Variants in OTOGL observed in about 807,000 individuals in gnomAD.
OTOGL encodes otogelin-like protein.
A neutral mutation model predicts 318.5 loss-of-function variants in OTOGL; 285 were observed. The ratio of observed to expected loss-of-function variants is 0.89; its 90% confidence interval spans 0.81 to 0.99. The LOEUF (loss-of-function observed/expected upper bound fraction) is 0.99. OTOGL is among the 50% of genes least tolerant of loss of function. The probability of loss-of-function intolerance (pLI) is 0.00; values close to 1 mark genes in which losing one functional copy is unlikely to be tolerated. For synonymous variants in OTOGL, 987 were observed against 936.5 expected (o/e 1.05, Z -0.99); for missense variants, 2,899 against 2,845.6 (o/e 1.02, Z -0.43).
intron 18 of OTOGL, among the ~76,000 whole-genome samples, chr12:80,259,147 C>CTA (rs753389196): frequency 2.3e-4 from 34 of 148,602 alleles, no homozygotes; most frequent in South Asian, 8.5e-4. Flanking sequence ...GATCAATCAA[C>CTA]TATATATATA....
chr12:80,323,722 G>C lies in OTOGL; in HGVS notation c.4082-1G>C, dbSNP rs756233978. On this transcript the variant is annotated splice_acceptor_variant, in intron 34 of 58. Transcript: ENST00000547103. LOFTEE classifies it high-confidence loss of function. ...ACAATCTAAACTTTATTTTTTCCCA[G>C]AAATCCAGGCAGCAGTGCCTTACAG... 1.2e-6 allele frequency: 2 copies of C among 1,608,694 alleles called. No homozygotes were observed. The highest frequency in any genetic ancestry group is 4.5e-5 in the East Asian group (2 of 44,844).
chr12:80,331,620 G>T (rs1357866714), intron 37 of OTOGL, among the ~76,000 whole-genome samples: 1 of 152,058 alleles, frequency 6.6e-6, no homozygotes, highest in Non-Finnish European at 1.5e-5. Context: ...GATTACAGAT[G>T]ACAGCCACCG....
chr12:80,379,411 A>G lies in OTOGL; in HGVS notation c.*1363A>G, dbSNP rs1891347075. ...ATGTGTCCCCAAAATATTGCAACTTACTGAATATTTTAGATCTCTTGGGTT... is the reference window on the plus strand; with the variant it reads ...ATGTGTCCCCAAAATATTGCAACTTGCTGAATATTTTAGATCTCTTGGGTT... On this transcript the variant is annotated 3_prime_UTR_variant, in exon 59 of 59. Coordinates refer to ENST00000547103, the MANE Select transcript of OTOGL (RefSeq NM_001378609.3). The G allele has an allele frequency of 6.6e-6, 1 of 151,968 alleles. No homozygotes were observed. Among genetic ancestry groups the G allele is most frequent in the Non-Finnish European group, 1.5e-5 (1 of 67,886 alleles). 9.4% of individuals were successfully genotyped at this position (151,968 alleles called of 1,614,324 possible).
intron 1 of OTOGL, among the ~76,000 whole-genome samples, chr12:80,115,140 T>C (rs549469364): frequency 6.6e-6 from 1 of 152,192 alleles, no homozygotes; most frequent in Admixed American, 6.5e-5. Flanking sequence ...GTTCCCTTGA[T>C]GGTGAGGAGT....
At chr12:80,155,393 G>A (rs192675119) in intron 1 of OTOGL, among the ~76,000 whole-genome samples, 1 of 152,192 alleles carries the variant, frequency 6.6e-6, no homozygotes, top group Non-Finnish European at 1.5e-5. Flanking sequence ...TGTTATATAT[G>A]TTATATTCTA....
chr12:80,105,934 G>T (rs998739550), intron 1 of OTOGL, among the ~76,000 whole-genome samples: 7 of 152,106 alleles, frequency 4.6e-5, no homozygotes, highest in Non-Finnish European at 8.8e-5. Flanking sequence ...AACCATTTAC[G>T]GATAAAAACG....
At chr12:80,163,763 T>G (rs1873670750) in intron 1 of OTOGL, among the ~76,000 whole-genome samples, 1 of 152,124 alleles carries the variant, frequency 6.6e-6, no homozygotes, top group South Asian at 2.1e-4. Flanking sequence ...GGGTATGTTT[T>G]TATGGCAATG....
intron 17 of OTOGL, among the ~76,000 whole-genome samples, chr12:80,257,513 A>G (rs765322570): frequency 2.0e-5 from 3 of 152,134 alleles, no homozygotes; most frequent in Admixed American, 6.6e-5. Context: ...GAACTTGGTA[A>G]TGGATTTCAA....
Position 80,232,872 on chromosome 12 carries a change from C to T in OTOGL, c.612-20C>T. ...AGACTTTATCATCATTCTTAGATAG[C>T]TTTTGTTCTGTTTTTCAAGTTTAAC... is the stretch of plus-strand genomic sequence containing the variant. On this transcript the variant is annotated intron_variant, in intron 8 of 58. Transcript: ENST00000547103. The T allele has an allele frequency of 6.4e-7, 1 of 1,560,536 alleles. No homozygotes were observed. Among genetic ancestry groups the T allele is most frequent in the Non-Finnish European group, 8.7e-7 (1 of 1,146,040 alleles).
chr12:80,210,359 G>C (rs1330431370), intron 2 of OTOGL, among the ~76,000 whole-genome samples: 4 of 151,950 alleles, frequency 2.6e-5, no homozygotes, highest in African/African-American at 7.3e-5. Context: ...GAGCTTGTAG[G>C]GGAAATTGGA....
intron 1 of OTOGL, chr12:80,132,157 C>T (rs1009823952): frequency 6.6e-6 from 1 of 152,176 alleles, no homozygotes; most frequent in African/African-American, 2.4e-5. Context: ...AAGTACTGAC[C>T]TACCTCCCTT....
chr12:80,314,048 A>G (rs543753583), intron 31 of OTOGL, among the ~76,000 whole-genome samples: 13 of 152,272 alleles, frequency 8.5e-5, no homozygotes, highest in Admixed American at 6.5e-4. Context: ...ATATCTGAAC[A>G]AACTTACAAT....
At chr12:80,124,845 T>C (rs1420854833) in intron 1 of OTOGL, among the ~76,000 whole-genome samples, 1 of 152,178 alleles carries the variant, frequency 6.6e-6, no homozygotes, top group East Asian at 1.9e-4. Context: ...TGTTTGTCTG[T>C]TATTGGTGTA....
rs780743457 is a variant in OTOGL at position 80,318,709 on chromosome 12, A to G, written c.3798A>G (p.Val1266=). 1 of 1,265,452 alleles carries G rather than the reference A, an allele frequency of 7.9e-7. No homozygotes were observed. Among genetic ancestry groups the G allele is most frequent in the Non-Finnish European group, 1.0e-6 (1 of 987,020 alleles). The allele number at this position is 1,265,452 out of a possible 1,614,324, so 78.4% of individuals were successfully genotyped here. A position where few individuals can be genotyped will look rare whatever the true frequency, so the allele number is the denominator to read the frequency against. The part of the protein sequence containing the change: ...MITPGLFKEK[V]SSLALVSLES... The stretch of plus-strand genomic sequence containing the variant: ...CTCCAGGCCTTTTCAAAGAGAAGGT[A>G]TCATGTAAGTATAATTGAAAATAAG... The change falls in exon 33 of 59, where the codon GTA becomes GTG. Residue 1266 remains valine (V), a synonymous_variant. Transcript: ENST00000547103.
chr12:80,184,656 A>G (rs776455108), intron 1 of OTOGL, among the ~76,000 whole-genome samples: 7 of 152,178 alleles, frequency 4.6e-5, no homozygotes, highest in Non-Finnish European at 1.0e-4. Context: ...CCTGTTGCCC[A>G]TAGTGCTGGA....
In OTOGL at chr12:80,333,039, G is replaced by A. The variant is rs374785155; in HGVS notation, c.4383G>A (p.Val1461=). The change falls in exon 38 of 59, where the codon GTG becomes GTA. Residue 1461 remains valine, a synonymous_variant. Transcript: ENST00000547103. ...TGATTACTCCATCAGACATCACTGT[G>A]TTTGATATGCTAACACCAACTACAG... ...WEMITPSDIT[V]FDMLTPTTGL... The A allele has an allele frequency of 7.5e-6, 12 of 1,602,556 alleles. No homozygotes were observed. The African/African-American group carries it at 1.6e-4, about 21-fold the overall frequency.
intron 24 of OTOGL, among the ~76,000 whole-genome samples, chr12:80,277,882 TA>T (rs1357702291): frequency 6.6e-6 from 1 of 151,552 alleles, no homozygotes; most frequent in African/African-American, 2.4e-5. Context: ...TGACTCACTT[TA>T]TTAGAAATTT....
At chr12:80,218,477 G>A (rs532910306) in intron 5 of OTOGL, among the ~76,000 whole-genome samples, 1 of 152,132 alleles carries the variant, frequency 6.6e-6, no homozygotes, top group African/African-American at 2.4e-5. Context: ...ACTATCTTCT[G>A]GGAATTAAGA....
intron 33 of OTOGL, among the ~76,000 whole-genome samples, chr12:80,320,066 G>A (rs764570165): frequency 3.3e-5 from 5 of 151,944 alleles, no homozygotes; most frequent in Admixed American, 2.0e-4. Flanking sequence ...GCTTGCAAAC[G>A]CAAATATATG....
Sources: gnomAD v4.1 joint callset for allele counts (sites outside exome capture counted in the v4.1 genomes callset) on GRCh38, gnomAD v4.1.1 for gene constraint, MANE v1.5 for transcripts, NCBI Gene and HGNC (gene_info 2026-07-23, HGNC 2026-07-21) for gene names.